The following AATF variants were observed in gnomAD, a reference collection of about 807,000 sequenced individuals.
AATF encodes protein AATF.
A neutral mutation model predicts 63.7 loss-of-function variants in AATF; 48 were observed. That is an observed-to-expected ratio of 0.75 (90% CI 0.60 to 0.96). AATF has a LOEUF of 0.96. Ranked by LOEUF, AATF falls within the 40% of genes least tolerant of loss-of-function variation. The pLI, the probability that AATF is intolerant of heterozygous loss-of-function variation, is 0.00. For synonymous variants in AATF, 258 were observed against 247.7 expected (o/e 1.04, Z -0.39); for missense variants, 639 against 685.7 (o/e 0.93, Z 0.76).
chr17:36,964,498 C>G (rs893716846), intron 4 of AATF, among the ~76,000 whole-genome samples: 1 of 152,146 alleles, frequency 6.6e-6, no homozygotes, highest in African/African-American at 2.4e-5. Context: ...AAGAGCAAGA[C>G]TGTCTTTAAA....
chr17:36,952,870 C>T lies in AATF; in HGVS notation c.284-16C>T, dbSNP rs1218170294. On this transcript the variant is annotated splice_polypyrimidine_tract_variant and intron_variant, in intron 2 of 11. Transcript: ENST00000619387. ...GTAATACCCATTTTTCTCTTTCTTCCCTCTCTTCTTTGTAGATGAGGAAAT... is the reference window on the plus strand; with the variant it reads ...GTAATACCCATTTTTCTCTTTCTTCTCTCTCTTCTTTGTAGATGAGGAAAT... 1.2e-6 allele frequency: 2 copies of T among 1,602,960 alleles called. No individual in the cohort carries two copies. Among genetic ancestry groups the T allele is most frequent in the Admixed American group, 3.4e-5 (2 of 59,006 alleles).
At chr17:36,951,565 C>A (rs535737272) in intron 2 of AATF, among the ~76,000 whole-genome samples, 1 of 152,260 alleles carries the variant, frequency 6.6e-6, no homozygotes, top group East Asian at 1.9e-4. Context: ...TACTTAGCCC[C>A]ATTTTACAGA....
At chr17:37,033,093 A>G (rs1289705544) in intron 11 of AATF, among the ~76,000 whole-genome samples, 2 of 152,196 alleles carry the variant, frequency 1.3e-5, no homozygotes, top group Admixed American at 1.3e-4. Flanking sequence ...GACAAATACT[A>G]TTATTATTTT....
At chr17:36,981,247 T>C (rs1027193922) in intron 4 of AATF, among the ~76,000 whole-genome samples, 1 of 152,204 alleles carries the variant, frequency 6.6e-6, no homozygotes, top group African/African-American at 2.4e-5. Context: ...TGTTGGATAT[T>C]TTCACAATTC....
chr17:37,029,369 G>A (rs557300688), intron 10 of AATF, among the ~76,000 whole-genome samples: 40 of 146,264 alleles, frequency 2.7e-4, no homozygotes, highest in Non-Finnish European at 5.3e-4. Context: ...TCAGCCTCCC[G>A]AGTAGCTGGG....
rs376905856 is a variant in AATF at position 37,017,027 on chromosome 17, A to T, written c.1399-1978A>T. 2.6e-5 allele frequency among the ~76,000 whole-genome samples: 4 copies of T among 152,210 alleles called. No individual in the cohort carries two copies. In the East Asian group the frequency reaches 7.7e-4, roughly 29 times the overall value. Reference sequence around the variant, plus strand: ...TATAGTACACAAAGTGTTTGAAAGTAAATGCTGCACCAACTTGGTGTTGGA... The same window carrying T: ...TATAGTACACAAAGTGTTTGAAAGTTAATGCTGCACCAACTTGGTGTTGGA... On this transcript the variant is annotated intron_variant, in intron 8 of 11. Transcript: ENST00000619387.
intron 11 of AATF, among the ~76,000 whole-genome samples, chr17:37,044,954 C>G (rs1305296884): frequency 6.6e-6 from 1 of 152,186 alleles, no homozygotes; most frequent in East Asian, 1.9e-4. Context: ...GTGTTCTGGA[C>G]TCTGCTTTCA....
intron 4 of AATF, among the ~76,000 whole-genome samples, chr17:36,972,671 ATTTT>A (rs34793151): frequency 2.1e-5 from 3 of 142,944 alleles, no homozygotes; most frequent in African/African-American, 2.5e-5. Flanking sequence ...TGGAGTAAAC[ATTTT>A]TTTTTTTTTT....
intron 4 of AATF, among the ~76,000 whole-genome samples, chr17:36,957,181 T>G (rs1411692061): frequency 6.6e-6 from 1 of 152,228 alleles, no homozygotes; most frequent in East Asian, 1.9e-4. Flanking sequence ...CCGGCTTGGT[T>G]TAGATTTCAT....
intron 4 of AATF, among the ~76,000 whole-genome samples, chr17:36,961,032 C>T (rs1474053052): frequency 1.3e-5 from 2 of 152,108 alleles, no homozygotes; most frequent in East Asian, 1.9e-4. Flanking sequence ...GACCTTTTCG[C>T]GTGCACACAC....
chr17:37,031,718 G>T, intron 11 of AATF, 33 bp downstream of exon 11: 1 of 1,552,382 alleles, frequency 6.4e-7, no homozygotes, highest in Non-Finnish European at 8.9e-7. Context: ...GTCTCAAATG[G>T]CTTCATGACA....
chr17:36,961,960 C>A (rs913741884), intron 4 of AATF, among the ~76,000 whole-genome samples: 2 of 152,260 alleles, frequency 1.3e-5, no homozygotes, highest in South Asian at 4.1e-4. Flanking sequence ...CAGGCGTGAG[C>A]CACGGTGCTG....
chr17:36,976,940 G>A (rs1026521282), intron 4 of AATF, among the ~76,000 whole-genome samples: 48 of 152,126 alleles, frequency 3.2e-4, no homozygotes, highest in African/African-American at 1.0e-3. Context: ...TTTCTGTCTG[G>A]CAAAATGGTT....
rs563229094 is a variant in AATF at position 37,040,471 on chromosome 17, T to TAA, written c.1619+8795_1619+8796dup. On this transcript the variant is annotated intron_variant, in intron 11 of 11. Transcript: ENST00000619387. ...CATATATTTTCATTTGTTCCTCATT[T>TAA]AAAAAAAAAACAGTGATTGATGTTA... 5.8e-4 allele frequency among the ~76,000 whole-genome samples: 87 copies of TAA among 149,974 alleles called. 1 individual carries two copies. Among genetic ancestry groups the TAA allele is most frequent in the East Asian group, 4.3e-3 (22 of 5,156 alleles).
rs1206224606 is a variant in AATF, at chr17:36,963,342, C to T, written c.832+9435C>T. On this transcript the variant is annotated intron_variant, in intron 4 of 11. Coordinates refer to ENST00000619387, the MANE Select transcript of AATF (RefSeq NM_012138.4). ...TACAACATGCAGTCTTTGTACAGGA[C>T]GGTCCCTAAATTGAATCATCTGTGT... Among the ~76,000 whole-genome samples, 4 of 152,240 alleles carry T rather than the reference C, an allele frequency of 2.6e-5. 1 individual carries two copies. The highest frequency in any genetic ancestry group is 2.0e-4 in the Admixed American group (3 of 15,292).
At chr17:36,953,696 C>A in intron 3 of AATF, 74 bp from the exon 4 acceptor site, 1 of 1,464,068 alleles carries the variant, frequency 6.8e-7, no homozygotes, top group Non-Finnish European at 9.3e-7. Context: ...GTTTCCTGTT[C>A]TTCCCCACCC....
chr17:36,978,897 T>G (rs563701988), intron 4 of AATF, among the ~76,000 whole-genome samples: 1 of 152,010 alleles, frequency 6.6e-6, no homozygotes, highest in East Asian at 1.9e-4. Flanking sequence ...AATTCTTTGT[T>G]GAAGAAGTTA....
chr17:37,003,531 A>G (rs1323608615), intron 8 of AATF, among the ~76,000 whole-genome samples: 1 of 135,282 alleles, frequency 7.4e-6, no homozygotes, highest in Non-Finnish European at 1.5e-5. Context: ...GCTGGAGTGC[A>G]GTGGGGCTCA....
At chr17:37,040,365 A>G (rs1207480559) in intron 11 of AATF, among the ~76,000 whole-genome samples, 3 of 152,170 alleles carry the variant, frequency 2.0e-5, no homozygotes, top group Non-Finnish European at 4.4e-5. Context: ...TCTGATGGGC[A>G]ATGAAATAAT....
Sources: gnomAD v4.1 joint callset for allele counts (sites outside exome capture counted in the v4.1 genomes callset) on GRCh38, gnomAD v4.1.1 for gene constraint, MANE v1.5 for transcripts, NCBI Gene and HGNC (gene_info 2026-07-23, HGNC 2026-07-21) for gene names.